PPP1R12C: variants seen among roughly 807,000 people sequenced by gnomAD.
PPP1R12C encodes protein phosphatase 1 regulatory subunit 12C.
A neutral mutation model predicts 95.6 loss-of-function variants in PPP1R12C; 48 were observed. The observed-to-expected ratio is 0.50, with a 90% CI of 0.40 to 0.64. PPP1R12C has a LOEUF of 0.64. Ranked by LOEUF, PPP1R12C falls within the 30% of genes least tolerant of loss-of-function variation. The pLI, the probability that PPP1R12C is intolerant of heterozygous loss-of-function variation, is 0.00. For synonymous variants in PPP1R12C, 480 were observed against 460.8 expected (o/e 1.04, Z -0.53); for missense variants, 1,057 against 1,083.3 (o/e 0.98, Z 0.34).
chr19:55,114,509 C>G (rs906620755), intron 1 of PPP1R12C: 1 of 152,396 alleles, frequency 6.6e-6, no homozygotes, highest in Non-Finnish European at 1.5e-5. Context: ...AGAAACTGGC[C>G]GGGAATCAAG....
In PPP1R12C at chr19:55,092,267, C is replaced by A. The variant is rs1416943569; in HGVS notation, c.2115G>T (p.Thr705=). ...CCACCTTGAGCTGCGCCAGCCGCAGCGTGGTCTCGGTCAGGGCCTCGCGAA... is the reference window on the plus strand; with the variant it reads ...CCACCTTGAGCTGCGCCAGCCGCAGAGTGGTCTCGGTCAGGGCCTCGCGAA... ...ERLREALTET[T]LRLAQLKVEL... is the part of the protein sequence containing the mutation. The change falls in exon 19 of 22, where the codon ACG becomes ACT. Residue 705 remains threonine, a synonymous_variant. Coordinates refer to ENST00000263433, the MANE Select transcript of PPP1R12C (RefSeq NM_017607.4). The A allele has an allele frequency of 1.3e-6, 2 of 1,599,520 alleles. No homozygotes were observed. Among genetic ancestry groups the A allele is most frequent in the Non-Finnish European group, 1.7e-6 (2 of 1,173,620 alleles).
At position 55,093,219 on chromosome 19, in the gene PPP1R12C, T is replaced by C; in HGVS notation, c.1698A>G (p.Thr566=). The C allele has an allele frequency of 6.2e-7, 1 of 1,613,340 alleles. No individual in the cohort carries two copies. The highest frequency in any genetic ancestry group is 8.5e-7 in the Non-Finnish European group (1 of 1,179,900). Residue 566 remains threonine (T), a synonymous_variant, in exon 14 of 22, where the codon ACA becomes ACG. Coordinates refer to ENST00000263433, the MANE Select transcript of PPP1R12C (RefSeq NM_017607.4). ...SRRSTQGVTL[T]DLKEAEKAAG... ...CAGCCTTCTCTGCCTCCTTCAGGTC[T>C]GTAAGAGTCACACCCTGGCAGGGAA...
In PPP1R12C at chr19:55,096,030, G is replaced by T. The variant is rs368428234; in HGVS notation, c.1153+21C>A. 8.9e-5 allele frequency: 144 copies of T among 1,609,022 alleles called. No homozygotes were observed. In the African/African-American group the frequency reaches 1.4e-3, roughly 16 times the overall value. ...GACCCCTCCTCCCTCGGACCCAGGA[G>T]TCCAGATTCAGGCCCCTCACCGGTG... On this transcript the variant is annotated intron_variant, in intron 8 of 21. Coordinates refer to ENST00000263433, the MANE Select transcript of PPP1R12C (RefSeq NM_017607.4).
In PPP1R12C at chr19:55,091,847, G is replaced by GC; in HGVS notation, c.2211+11dup. ...GACGCCTCTGGCCCCCATCCCCACT[G>GC]CCCCTACTCACGAATCTCTCCAGTT... is the stretch of plus-strand genomic sequence containing the variant. On this transcript the variant is annotated intron_variant, in intron 20 of 21. Coordinates refer to ENST00000263433, the MANE Select transcript of PPP1R12C (RefSeq NM_017607.4). 6.2e-7 allele frequency: 1 copy of GC among 1,613,420 alleles called. No homozygotes were observed.
At chr19:55,112,955 G>A (rs986886299) in intron 1 of PPP1R12C, 160 bp from the exon 2 acceptor site, 28 of 1,035,222 alleles carry the variant, frequency 2.7e-5, no homozygotes, top group Middle Eastern at 3.1e-4. Flanking sequence ...TTTAAGATAC[G>A]CCTGGTTGCC....
rs942279716 is a variant in PPP1R12C at position 55,093,075 on chromosome 19, T to A, written c.1766A>T (p.Asp589Val). The change falls in exon 15 of 22, where the codon GAC becomes GTC. Residue 589 changes from aspartate to valine, a missense_variant and splice_region_variant. Around this residue, in one of 5 missense-constraint regions of PPP1R12C, gnomAD observed 347 missense variants for 307.9 expected, o/e 1.13. Transcript: ENST00000263433. ...AGGGACGCGGGGCCTTCGGGAAGGGTCCTGTCGGGAGGGGGAGGCGAGTCA... is the reference window on the plus strand; with the variant it reads ...AGGGACGCGGGGCCTTCGGGAAGGGACCTGTCGGGAGGGGGAGGCGAGTCA... ...PESEKPAQSL[D>V]PSRRPRVPGV... 3.1e-6 allele frequency: 5 copies of A among 1,606,870 alleles called. No individual in the cohort carries two copies. The Middle Eastern group carries it at 6.6e-4, about 212-fold the overall frequency.
rs751987617 is a variant in PPP1R12C at position 55,094,699 on chromosome 19, G to C, written c.1554C>G (p.Ala518=). The part of the protein sequence containing the change: ...ESPAKPNVPT[A]STAPPADSRD... ...GGGAGTCCGCTGGGGGCGCCGTGGA[G>C]GCTGTGGGGACGTTTGGCTTCGCTG... Residue 518 remains alanine (A), a synonymous_variant, in exon 12 of 22, where the codon GCC becomes GCG. Coordinates refer to ENST00000263433, the MANE Select transcript of PPP1R12C (RefSeq NM_017607.4). The C allele has an allele frequency of 6.2e-7, 1 of 1,609,336 alleles. No homozygotes were observed. Among genetic ancestry groups the C allele is most frequent in the Non-Finnish European group, 8.5e-7 (1 of 1,178,908 alleles).
At chr19:55,096,225 G>C in intron 7 of PPP1R12C, 37 bp downstream of exon 7, 1 of 1,613,322 alleles carries the variant, frequency 6.2e-7, no homozygotes, top group Non-Finnish European at 8.5e-7. Context: ...GGGGCCTCCA[G>C]CCACCCCGCC....
chr19:55,097,646 C>T (rs1419997973), intron 6 of PPP1R12C, among the ~76,000 whole-genome samples: 4 of 132,854 alleles, frequency 3.0e-5, no homozygotes, highest in Non-Finnish European at 6.4e-5. Flanking sequence ...TTCACCCCTT[C>T]CCCGCAGTTC....
chr19:55,097,068 G>A (rs2084924604), intron 6 of PPP1R12C: 5 of 242,824 alleles, frequency 2.1e-5, no homozygotes, highest in South Asian at 1.0e-4. Context: ...CCCCTTCCCC[G>A]CAGTTCACCA....
Position 55,112,814 on chromosome 19 carries a change from C to A in PPP1R12C, c.322-19G>T. The A allele has an allele frequency of 6.2e-7, 1 of 1,610,454 alleles. No homozygotes were observed. Among genetic ancestry groups the A allele is most frequent in the Non-Finnish European group, 8.5e-7 (1 of 1,179,750 alleles). ...TGCAGGCCTGGGGGTGGGAAACAGC[C>A]GTCAGCCGCACCTACCCCAGCCACG... On this transcript the variant is annotated intron_variant, in intron 1 of 21. Coordinates refer to ENST00000263433, the MANE Select transcript of PPP1R12C (RefSeq NM_017607.4).
At chr19:55,100,551 G>A (rs993741603) in intron 4 of PPP1R12C, among the ~76,000 whole-genome samples, 3 of 152,256 alleles carry the variant, frequency 2.0e-5, no homozygotes, top group Non-Finnish European at 2.9e-5. Flanking sequence ...AATAAGCATC[G>A]AATGAGTATC....
chr19:55,098,325 C>T (rs757713166), intron 6 of PPP1R12C, among the ~76,000 whole-genome samples: 28 of 152,354 alleles, frequency 1.8e-4, no homozygotes, highest in Middle Eastern at 3.4e-3. Flanking sequence ...ATGGCAGAGC[C>T]GGGATTCCAA....
intron 12 of PPP1R12C, 30 bp from the exon 13 acceptor site, chr19:55,094,465 G>C (rs773376071): frequency 6.2e-7 from 1 of 1,611,988 alleles, no homozygotes; most frequent in Non-Finnish European, 8.5e-7. Flanking sequence ...CTCAGACAGG[G>C]AACCTGGGGA....
chr19:55,099,289 G>A (rs762225038), intron 4 of PPP1R12C, among the ~76,000 whole-genome samples, 194 bp from the exon 5 acceptor site: 1 of 152,206 alleles, frequency 6.6e-6, no homozygotes, highest in Admixed American at 6.5e-5. Context: ...CCTCCCCTTG[G>A]ACCAGCAGTT....
intron 4 of PPP1R12C, among the ~76,000 whole-genome samples, 177 bp from the exon 5 acceptor site, chr19:55,099,272 C>T (rs777285734): frequency 9.9e-5 from 15 of 152,248 alleles, no homozygotes; most frequent in Non-Finnish European, 1.5e-4. Flanking sequence ...CTGCACCAGG[C>T]CTTGTCCCTC....
chr19:55,104,262 AAC>A (rs2085013036), intron 3 of PPP1R12C, among the ~76,000 whole-genome samples: 1 of 146,428 alleles, frequency 6.8e-6, no homozygotes, highest in East Asian at 1.9e-4. Context: ...ATATATATAT[AAC>A]ATATATATGC....
intron 1 of PPP1R12C, among the ~76,000 whole-genome samples, chr19:55,116,667 G>C (rs1284794919): frequency 6.6e-6 from 1 of 152,240 alleles, no homozygotes; most frequent in Non-Finnish European, 1.5e-5. Context: ...GGCAGCGTTA[G>C]AGGGCAGAGT....
At chr19:55,101,742 A>T (rs962346328) in intron 4 of PPP1R12C, among the ~76,000 whole-genome samples, 1 of 152,206 alleles carries the variant, frequency 6.6e-6, no homozygotes, top group Admixed American at 6.5e-5. Flanking sequence ...TGTCGTAAGG[A>T]TCAGCTCAGG....
Sources: gnomAD v4.1 joint callset for allele counts (sites outside exome capture counted in the v4.1 genomes callset) on GRCh38, gnomAD v4.1.1 for gene constraint, gnomAD v4.1.1 regional missense constraint, MANE v1.5 for transcripts, NCBI Gene and HGNC (gene_info 2026-07-23, HGNC 2026-07-21) for gene names.